ATG10: variants seen among roughly 807,000 people sequenced by gnomAD.
ATG10 encodes autophagy related 10, also known as ubiquitin-like-conjugating enzyme ATG10.
In ATG10, 30 loss-of-function variants were observed where a neutral mutation model predicts 32.1. The observed-to-expected ratio is 0.94, with a 90% CI of 0.70 to 1.27. The LOEUF (loss-of-function observed/expected upper bound fraction) is 1.27, where lower values mean the gene tolerates loss of function less well. Ranked by LOEUF, ATG10 falls within the 50% of genes most tolerant of loss-of-function variation. ATG10 has a pLI of 0.00. For missense variants in ATG10, 233 were observed against 262.3 expected (o/e 0.89, Z 0.77); for synonymous variants, 87 against 91.5 (o/e 0.95, Z 0.28).
chr5:82,172,183 A>C (rs1743833599), intron 4 of ATG10, among the ~76,000 whole-genome samples: 1 of 152,192 alleles, frequency 6.6e-6, no homozygotes, highest in Admixed American at 6.5e-5. Flanking sequence ...GATGGGGACC[A>C]CTAGTAATAG....
At chr5:82,187,228 G>C (rs1404168656) in intron 5 of ATG10, among the ~76,000 whole-genome samples, 4 of 152,110 alleles carry the variant, frequency 2.6e-5, no homozygotes, top group Non-Finnish European at 5.9e-5. Flanking sequence ...ATATGGGCCA[G>C]GCATGGTGGC....
chr5:82,124,118 G>A (rs1364703838), intron 3 of ATG10, among the ~76,000 whole-genome samples: 1 of 141,790 alleles, frequency 7.1e-6, no homozygotes, highest in Non-Finnish European at 1.5e-5. Context: ...TGTCACCCAA[G>A]CTGGAGTGCA....
At chr5:82,070,530 T>C (rs1764097800) in intron 3 of ATG10, among the ~76,000 whole-genome samples, 1 of 152,150 alleles carries the variant, frequency 6.6e-6, no homozygotes, top group African/African-American at 2.4e-5. Flanking sequence ...TGTCCACAAC[T>C]TCCTTATTTT....
chr5:82,002,450 C>CT (rs1319152412), intron 2 of ATG10, among the ~76,000 whole-genome samples: 1 of 152,080 alleles, frequency 6.6e-6, no homozygotes, highest in African/African-American at 2.4e-5. Flanking sequence ...CTATGGAATA[C>CT]TTATGTAGCC....
intron 2 of ATG10, among the ~76,000 whole-genome samples, chr5:82,023,087 C>T (rs1452224946): frequency 6.6e-6 from 1 of 151,496 alleles, no homozygotes; most frequent in Non-Finnish European, 1.5e-5. Context: ...CTTTAGTTGC[C>T]TCTTATCAAT....
At chr5:82,181,098 G>A (rs1057425851) in intron 5 of ATG10, among the ~76,000 whole-genome samples, 7 of 151,930 alleles carry the variant, frequency 4.6e-5, no homozygotes, top group East Asian at 1.9e-4. Flanking sequence ...ATCGTAGTAC[G>A]GTATTACAGA....
At chr5:82,187,158 A>G (rs887305211) in intron 5 of ATG10, among the ~76,000 whole-genome samples, 2 of 151,812 alleles carry the variant, frequency 1.3e-5, no homozygotes, top group African/African-American at 4.8e-5. Flanking sequence ...AAAAATGGTT[A>G]TTTGGGTGTA....
At chr5:82,246,833 A>G (rs923313233) in intron 5 of ATG10, among the ~76,000 whole-genome samples, 4 of 152,142 alleles carry the variant, frequency 2.6e-5, no homozygotes, top group Admixed American at 2.6e-4. Context: ...AGTATATCTT[A>G]TAAGGCAAAT....
chr5:81,984,162 C>T (rs1012695841), intron 1 of ATG10, among the ~76,000 whole-genome samples: 3 of 152,250 alleles, frequency 2.0e-5, no homozygotes, highest in Non-Finnish European at 2.9e-5. Context: ...AACCAGACTC[C>T]GTCTGCAATC....
chr5:82,027,148 C>T (rs981946387), intron 2 of ATG10, among the ~76,000 whole-genome samples: 1 of 151,646 alleles, frequency 6.6e-6, no homozygotes, highest in South Asian at 2.1e-4. Flanking sequence ...CATGTAATCC[C>T]AGCACTGTGG....
At chr5:82,139,243 C>T (rs1187697256) in intron 3 of ATG10, among the ~76,000 whole-genome samples, 1 of 146,996 alleles carries the variant, frequency 6.8e-6, no homozygotes, top group East Asian at 2.0e-4. Flanking sequence ...GCCGAGATTG[C>T]AGCCTCTGCC....
rs188787366 is a variant in ATG10 at position 81,976,579 on chromosome 5, T to C, written c.-13+4273T>C. Among the ~76,000 whole-genome samples, 458 of 152,322 alleles carry C rather than the reference T, an allele frequency of 3.0e-3. 3 individuals are homozygous for C. Among genetic ancestry groups the C allele is most frequent in the South Asian group, 6.8e-3 (33 of 4,828 alleles). ...CTAACCTCTAACCACTGACTTTTAC[T>C]GGAATGATCCAAGTAAGGCTACTCC... On this transcript the variant is annotated intron_variant, in intron 1 of 7. Coordinates refer to ENST00000282185, the MANE Select transcript of ATG10 (RefSeq NM_031482.5).
chr5:82,107,068 C>G (rs188353541), intron 3 of ATG10, among the ~76,000 whole-genome samples: 98 of 152,136 alleles, frequency 6.4e-4, no homozygotes, highest in African/African-American at 2.2e-3. Flanking sequence ...CAGAATAACT[C>G]TGTTTAGGAA....
Position 82,189,882 on chromosome 5 carries a change from C to T in ATG10, c.453+11295C>T, listed in dbSNP as rs537304262. ...TCAAATGTTCCATCTGCCTTGGCCT[C>T]CCAAAGTGCTGGGATTACAGGCATG... is the stretch of plus-strand genomic sequence containing the variant. On this transcript the variant is annotated intron_variant, in intron 5 of 7. Transcript: ENST00000282185. Among the ~76,000 whole-genome samples the T allele has an allele frequency of 7.2e-5, 11 of 152,292 alleles. No individual in the cohort carries two copies. The East Asian group carries it at 1.7e-3, about 24-fold the overall frequency.
chr5:82,096,971 G>A (rs1303306324), intron 3 of ATG10, among the ~76,000 whole-genome samples: 1 of 152,038 alleles, frequency 6.6e-6, no homozygotes, highest in Non-Finnish European at 1.5e-5. Context: ...TTACCTCAAG[G>A]TTAAGGTCAA....
At chr5:81,979,445 G>A (rs993135173) in intron 1 of ATG10, among the ~76,000 whole-genome samples, 6 of 152,134 alleles carry the variant, frequency 3.9e-5, no homozygotes, top group Admixed American at 6.5e-5. Flanking sequence ...GGAGAATGGC[G>A]TGAACTCGGG....
chr5:82,055,983 AGGCCATAC>A (rs562662345), intron 2 of ATG10, among the ~76,000 whole-genome samples: 2 of 152,308 alleles, frequency 1.3e-5, no homozygotes, highest in Admixed American at 1.3e-4. Flanking sequence ...CGTATGTAGG[AGGCCATAC>A]CATTTGGGTT....
In ATG10 at chr5:82,010,092, A is replaced by T. The variant is rs1762088736; in HGVS notation, c.108+22414A>T. ...GTCGAAGAACACGGTGGGGTTGACC[A>T]TGGCTAATAGTACACAGTTTTCCTC... On this transcript the variant is annotated intron_variant, in intron 2 of 7. Coordinates refer to ENST00000282185, the MANE Select transcript of ATG10 (RefSeq NM_031482.5). The T allele has an allele frequency of 2.5e-6, 4 of 1,605,302 alleles. No homozygotes were observed. In the Admixed American group the frequency reaches 6.7e-5, roughly 27 times the overall value.
chr5:82,126,914 G>C (rs1404878076), intron 3 of ATG10, among the ~76,000 whole-genome samples: 1 of 152,096 alleles, frequency 6.6e-6, no homozygotes, highest in Admixed American at 6.5e-5. Context: ...CTGATCCTGG[G>C]CTTTTTTTGG....
Sources: allele counts gnomAD v4.1 joint callset (sites outside exome capture counted in the v4.1 genomes callset), GRCh38; gene constraint gnomAD v4.1.1; transcripts MANE v1.5; gene names NCBI Gene and HGNC (gene_info 2026-07-23, HGNC 2026-07-21).